EXOSC8: variants seen among roughly 807,000 people sequenced by gnomAD.
EXOSC8 encodes the protein exosome complex component RRP43.
Under a neutral mutation model 39.9 loss-of-function variants are expected in EXOSC8, and 37 were observed. That is an observed-to-expected ratio of 0.93 (90% CI 0.71 to 1.22). EXOSC8 has a LOEUF of 1.22. Ranked by LOEUF, EXOSC8 falls within the 50% of genes most tolerant of loss-of-function variation. The pLI is 0.00. For missense variants in EXOSC8, 313 were observed against 326.6 expected, an observed-to-expected ratio of 0.96 and a Z score of 0.32; for synonymous variants, 93 against 109.5, an observed-to-expected ratio of 0.85 and a Z score of 0.94.
At chr13:37,008,210 A>G (rs1014412265) in intron 9 of EXOSC8, 33 bp downstream of exon 9, 9 of 1,546,616 alleles carry the variant, frequency 5.8e-6, no homozygotes, top group Admixed American at 3.6e-5. Context: ...AAAATTTTCT[A>G]TATTTAAGAT....
At chr13:37,003,221 C>T (rs1437969830) in intron 4 of EXOSC8, 1 of 464,950 alleles carries the variant, frequency 2.2e-6, no homozygotes, top group Non-Finnish European at 3.8e-6. Flanking sequence ...AATGAAACAA[C>T]TTTTAAAATC....
chr13:37,009,237 A>T lies in EXOSC8; in HGVS notation c.769A>T (p.Thr257Ser). 6.2e-7 allele frequency: 1 copy of T among 1,613,920 alleles called. No individual in the cohort carries two copies. Among genetic ancestry groups the T allele is most frequent in the East Asian group, 2.2e-5 (1 of 44,846 alleles). Residue 257 changes from threonine to serine, a missense_variant, in exon 11 of 11, where the codon ACA (threonine) becomes TCA (serine). By Grantham distance (58) the Thr-to-Ser change is moderately conservative. Transcript: ENST00000389704. ...KLQDCMSRAV[T>S]RHKEVKKLMD... ...TCAGGACTGTATGAGCCGAGCAGTT[A>T]CAAGACACAAAGAAGTTAAAAAACT...
chr13:37,005,347 G>A (rs1318980845), intron 5 of EXOSC8, among the ~76,000 whole-genome samples: 1 of 152,020 alleles, frequency 6.6e-6, no homozygotes, highest in African/African-American at 2.4e-5. Context: ...AAGATACCAG[G>A]AAAACTCGTA....
intron 3 of EXOSC8, 128 bp from the exon 4 acceptor site, chr13:37,002,806 A>G: frequency 2.8e-6 from 2 of 704,012 alleles, no homozygotes; most frequent in East Asian, 2.7e-5. Flanking sequence ...TGAAATATTC[A>G]TAAGCAACTG....
intron 8 of EXOSC8, among the ~76,000 whole-genome samples, chr13:37,007,775 T>C (rs918108378): frequency 6.6e-6 from 1 of 152,126 alleles, no homozygotes. Flanking sequence ...AATGAAAATA[T>C]GAAAATGCTT....
At chr13:37,002,354 GC>G (rs773984451) in intron 2 of EXOSC8, 45 bp downstream of exon 2, 1 of 1,507,030 alleles carries the variant, frequency 6.6e-7, no homozygotes, top group Admixed American at 1.7e-5. Flanking sequence ...ATAACGAGCT[GC>G]TTTTAAAGAT....
At position 37,009,422 on chromosome 13, in the gene EXOSC8, G is replaced by C; in HGVS notation, c.*123G>C. 3 of 748,420 alleles carry C rather than the reference G, an allele frequency of 4.0e-6. No individual in the cohort carries two copies. The South Asian group carries it at 5.7e-5, about 14-fold the overall frequency. 46.4% of individuals were successfully genotyped at this position (748,420 alleles called of 1,614,324 possible). A position where few individuals can be genotyped will look rare whatever the true frequency, so the allele number is the denominator to read the frequency against. On this transcript the variant is annotated 3_prime_UTR_variant, in exon 11 of 11. Coordinates refer to ENST00000389704, the MANE Select transcript of EXOSC8 (RefSeq NM_181503.3). ...TGAAAGATGTTTCTATTATTTCTTAGGTCACTTCCATATATATTATGTATA... is the reference window on the plus strand; with the variant it reads ...TGAAAGATGTTTCTATTATTTCTTACGTCACTTCCATATATATTATGTATA...
At position 37,006,143 on chromosome 13, in the gene EXOSC8, T is replaced by G. The variant is rs146016427; in HGVS notation, c.373T>G (p.Cys125Gly). The change falls in exon 7 of 11, where the codon TGC (cysteine) becomes GGC (glycine). Residue 125 changes from cysteine to glycine, a missense_variant. Transcript: ENST00000389704. ...NSQIIQKEDLCISPGKLVWVL... is the reference protein window; with the variant it reads ...NSQIIQKEDLGISPGKLVWVL... The stretch of plus-strand genomic sequence containing the variant: ...ACAGATAATTCAGAAAGAGGACTTA[T>G]GCATTTCTCCAGGAAAGGTAAGAGG... 8 of 1,610,146 alleles carry G rather than the reference T, an allele frequency of 5.0e-6. No individual in the cohort carries two copies. The highest frequency in any genetic ancestry group is 1.7e-5 in the Admixed American group (1 of 59,924).
At chr13:37,005,862 C>CAAAAA (rs59234766) in intron 5 of EXOSC8, 58 bp from the exon 6 acceptor site, 142 of 296,852 alleles carry the variant, frequency 4.8e-4, no homozygotes, top group Middle Eastern at 1.1e-3. Context: ...GACTCCATCT[C>CAAAAA]AAAAAAAAAA....
intron 1 of EXOSC8, chr13:37,001,584 C>G (rs1013345405): frequency 2.0e-5 from 3 of 152,044 alleles, no homozygotes; most frequent in Non-Finnish European, 4.4e-5. Context: ...CAAAGGAAAT[C>G]CATTATGTTG....
At chr13:37,004,018 C>A (rs1045248001) in intron 4 of EXOSC8, 43 of 152,380 alleles carry the variant, frequency 2.8e-4, no homozygotes, top group Admixed American at 5.9e-4. Flanking sequence ...ATTACAGGCG[C>A]CCGCCACCAT....
At chr13:37,002,612 G>C (rs553019262) in intron 3 of EXOSC8, 61 bp downstream of exon 3, 1 of 1,165,770 alleles carries the variant, frequency 8.6e-7, no homozygotes, top group East Asian at 2.4e-5. Context: ...CTATGAACCA[G>C]CCAAACAGTT....
intron 8 of EXOSC8, 63 bp downstream of exon 8, chr13:37,007,134 C>A (rs1480511817): frequency 3.9e-6 from 4 of 1,028,072 alleles, no homozygotes; most frequent in African/African-American, 1.6e-5. Context: ...TTTTGTGAAA[C>A]TTTTAATGTA....
chr13:37,006,030 G>A lies in EXOSC8; in HGVS notation c.344+5G>A, dbSNP rs550122347. The A allele has an allele frequency of 1.9e-5, 31 of 1,592,922 alleles. No homozygotes were observed. Among genetic ancestry groups the A allele is most frequent in the African/African-American group, 2.7e-5 (2 of 74,638 alleles). On this transcript the variant is annotated splice_donor_5th_base_variant and intron_variant, in intron 6 of 10. Transcript: ENST00000389704. Reference sequence around the variant, plus strand: ...CATTGCAGATGTCATTGAAAAGTAAGAGCACCATGATAAAATTTTATTACA... The same window carrying A: ...CATTGCAGATGTCATTGAAAAGTAAAAGCACCATGATAAAATTTTATTACA...
In EXOSC8 at chr13:37,009,226, G is replaced by A. The variant is rs1029627377; in HGVS notation, c.758G>A (p.Ser253Asn). Residue 253 changes from serine to asparagine, a missense_variant, in exon 11 of 11, where the codon AGC (serine) becomes AAC (asparagine). Transcript: ENST00000389704. ...LTGAKLQDCM[S>N]RAVTRHKEVK... ...GGAGCTAAACTTCAGGACTGTATGA[G>A]CCGAGCAGTTACAAGACACAAAGAA... 1 of 1,613,724 alleles carries A rather than the reference G, an allele frequency of 6.2e-7. No individual in the cohort carries two copies. Among genetic ancestry groups the A allele is most frequent in the Non-Finnish European group, 8.5e-7 (1 of 1,179,870 alleles).
Position 37,002,548 on chromosome 13 carries a change from A to G in EXOSC8, c.115A>G (p.Ile39Val), listed in dbSNP as rs1183472536. ...LGEFRTTTVNIGSISTADGSA... is the reference protein window; with the variant it reads ...LGEFRTTTVNVGSISTADGSA... ...TGAATTCAGAACCACAACTGTCAAC[A>G]TCGGTAAGGATGTATTTTCCACTTT... is the stretch of plus-strand genomic sequence containing the variant. Residue 39 changes from isoleucine (I) to valine (V), a missense_variant, in exon 3 of 11, where the codon ATC (isoleucine) becomes GTC (valine). Physicochemically the swap from Ile to Val is conservative, Grantham distance 29. Coordinates refer to ENST00000389704, the MANE Select transcript of EXOSC8 (RefSeq NM_181503.3). 3 of 1,585,284 alleles carry G rather than the reference A, an allele frequency of 1.9e-6. No individual in the cohort carries two copies. The highest frequency in any genetic ancestry group is 2.3e-5 in the East Asian group (1 of 44,432).
chr13:37,003,224 T>C (rs922296862), intron 4 of EXOSC8: 39 of 465,186 alleles, frequency 8.4e-5, no homozygotes, highest in Non-Finnish European at 1.4e-4. Context: ...GAAACAACTT[T>C]TAAAATCTGA....
intron 1 of EXOSC8, 54 bp downstream of exon 1, chr13:37,000,876 C>T (rs1269874382): frequency 2.1e-6 from 3 of 1,452,550 alleles, no homozygotes; most frequent in Non-Finnish European, 1.8e-6. Context: ...ACGGCAGCTT[C>T]CTTTAACTCT....
At chr13:37,007,985 T>TAA in intron 8 of EXOSC8, 72 bp from the exon 9 acceptor site, 101 of 960,700 alleles carry the variant, frequency 1.1e-4, no homozygotes, top group Non-Finnish European at 1.3e-4. Context: ...AAAGGTGAAT[T>TAA]AAAAAAAAAA....
Sources: allele counts gnomAD v4.1 joint callset (sites outside exome capture counted in the v4.1 genomes callset), GRCh38; gene constraint gnomAD v4.1.1; transcripts MANE v1.5; gene names NCBI Gene and HGNC (gene_info 2026-07-23, HGNC 2026-07-21).